NPHS1: variants seen among roughly 807,000 people sequenced by gnomAD.
The protein encoded by NPHS1 is NPHS1 adhesion molecule, nephrin.
NPHS1 carries 107 observed loss-of-function variants against 139.7 expected under a neutral mutation model. The ratio of observed to expected loss-of-function variants is 0.77; its 90% CI spans 0.66 to 0.90. The LOEUF is 0.90. Among genes scored for constraint, NPHS1 ranks in the 40% least tolerant of loss-of-function variants. The pLI, the probability that NPHS1 is intolerant of heterozygous loss-of-function variation, is 0.00. For synonymous variants in NPHS1, 707 were observed against 706.6 expected, an observed-to-expected ratio of 1.00 and a Z score of -0.01; for missense variants, 1,580 against 1,654.2, an observed-to-expected ratio of 0.96 and a Z score of 0.78.
In NPHS1 at chr19:35,842,399, A is replaced by C. The variant is rs1156938073; in HGVS notation, c.2486T>G (p.Leu829Arg). 1 of 1,613,984 alleles carries C rather than the reference A, an allele frequency of 6.2e-7. No homozygotes were observed. Among genetic ancestry groups the C allele is most frequent in the African/African-American group, 1.3e-5 (1 of 74,918 alleles). ...DNGVAPPARR[L>R]LRLVVRFAPQ... Reference sequence around the variant, plus strand: ...CCCACATCTGACAACAAGACGGAGCAGCCGTCGTGCTGGAGGCGCCACCCC... The same window carrying C: ...CCCACATCTGACAACAAGACGGAGCCGCCGTCGTGCTGGAGGCGCCACCCC... Residue 829 changes from leucine to arginine, a missense_variant, in exon 18 of 29, where the codon CTG becomes CGG. Transcript: ENST00000378910.
chr19:35,845,886 GT>G lies in NPHS1; in HGVS notation c.1628-89del. 4.5e-6 allele frequency: 7 copies of G among 1,550,382 alleles called. No homozygotes were observed. The highest frequency in any genetic ancestry group is 6.1e-6 in the Non-Finnish European group (7 of 1,146,400). On this transcript the variant is annotated intron_variant, in intron 12 of 28. Coordinates refer to ENST00000378910, the MANE Select transcript of NPHS1 (RefSeq NM_004646.4). The surrounding 1 kb of genome is among the most constrained non-coding windows in gnomAD (Gnocchi z 5.5). ...CCGCCTGCACCCCAGGCTCCGCCCA[GT>G]CTCGGGTCCCCCACCCCGCCTCCGC...
intron 9 of NPHS1, 49 bp downstream of exon 9, chr19:35,848,588 C>A (rs750627412): frequency 2.5e-6 from 4 of 1,608,554 alleles, no homozygotes; most frequent in South Asian, 2.2e-5. Flanking sequence ...ACGAGTCATG[C>A]CCTCAGCCCC....
rs778854723 is a variant in NPHS1, at chr19:35,826,644, C to T, written c.3596G>A (p.Gly1199Glu). The change falls in exon 29 of 29, where the codon GGA (glycine) becomes GAA (glutamate). Residue 1199 changes from glycine to glutamate, a missense_variant and splice_region_variant. Coordinates refer to ENST00000378910, the MANE Select transcript of NPHS1 (RefSeq NM_004646.4). ...WGPLYDEVQM[G>E]PWDLHWPEDT... Reference sequence around the variant, plus strand: ...TTCAGGCCAGTGGAGGTCCCAGGGTCCCTGACAGGCAAAAAGTGGAGTTAG... The same window carrying T: ...TTCAGGCCAGTGGAGGTCCCAGGGTTCCTGACAGGCAAAAAGTGGAGTTAG... The T allele has an allele frequency of 6.2e-7, 1 of 1,613,940 alleles. No individual in the cohort carries two copies. Among genetic ancestry groups the T allele is most frequent in the Admixed American group, 1.7e-5 (1 of 59,994 alleles).
chr19:35,850,552 C>T (rs1049236292), intron 4 of NPHS1, 107 bp from the exon 5 acceptor site: 58 of 942,672 alleles, frequency 6.2e-5, no homozygotes, highest in South Asian at 6.0e-4. Context: ...CCTCCCTCCT[C>T]GTTCTAGAGG....
In NPHS1 at chr19:35,845,944, C is replaced by T. The variant is rs1311943968; in HGVS notation, c.1627+64G>A. 6.5e-7 allele frequency: 1 copy of T among 1,533,692 alleles called. No homozygotes were observed. The highest frequency in any genetic ancestry group is 8.8e-7 in the Non-Finnish European group (1 of 1,136,766). On this transcript the variant is annotated intron_variant, in intron 12 of 28. Coordinates refer to ENST00000378910, the MANE Select transcript of NPHS1 (RefSeq NM_004646.4). This position sits in a 1 kb window ranked among gnomAD's most constrained non-coding sequence, Gnocchi z 5.5. ...TCCCCGGGTCCAGGGTTCGCTGGGT[C>T]CCTGCCCCACCTGGCTCTGTCCCTC...
chr19:35,831,138 T>A lies in NPHS1; in HGVS notation c.3396A>T (p.Thr1132=). ...AGCGGTAATACGGCTCTGCCTCTGT[T>A]GTGCTGACCTGTTCCCCACACGCAA... ...ERDTQSSTVS[T]TEAEPYYRSL... Residue 1132 remains threonine (T), a synonymous_variant, in exon 27 of 29, where the codon ACA becomes ACT. Transcript: ENST00000378910. The A allele has an allele frequency of 1.2e-6, 2 of 1,613,904 alleles. No homozygotes were observed. The highest frequency in any genetic ancestry group is 1.7e-6 in the Non-Finnish European group (2 of 1,180,002).
At chr19:35,829,828 C>A (rs912667729) in intron 28 of NPHS1, among the ~76,000 whole-genome samples, 1 of 151,354 alleles carries the variant, frequency 6.6e-6, no homozygotes, top group Non-Finnish European at 1.5e-5. Flanking sequence ...TGTGAGCCAC[C>A]ATGCTCGGCT....
intron 3 of NPHS1, 59 bp downstream of exon 3, chr19:35,851,203 C>T (rs749152779): frequency 1.8e-4 from 290 of 1,613,106 alleles, no homozygotes; most frequent in Non-Finnish European, 2.2e-4. Flanking sequence ...TTCCGGGTTG[C>T]GGGGTAGGGG....
rs960654829 is a variant in NPHS1 at position 35,825,700 on chromosome 19, C to T, written c.*814G>A. Among the ~76,000 whole-genome samples, 2 of 152,094 alleles carry T rather than the reference C, an allele frequency of 1.3e-5. No homozygotes were observed. Among genetic ancestry groups the T allele is most frequent in the South Asian group, 2.1e-4 (1 of 4,826 alleles). On this transcript the variant is annotated 3_prime_UTR_variant, in exon 29 of 29. Transcript: ENST00000378910. ...TTTTGATTGTCTGTTTATTTTAATG[C>T]TTATGGAGCATACTTATGTTTACAT...
intron 28 of NPHS1, among the ~76,000 whole-genome samples, chr19:35,829,169 C>A (rs1161263089): frequency 6.6e-6 from 1 of 152,236 alleles, no homozygotes; most frequent in African/African-American, 2.4e-5. Context: ...CTGGCCCCTA[C>A]TCCCTGATCC....
intron 22 of NPHS1, among the ~76,000 whole-genome samples, chr19:35,837,463 T>C (rs1240223626): frequency 3.9e-5 from 6 of 152,228 alleles, no homozygotes; most frequent in African/African-American, 7.2e-5. Context: ...CAGCTTCTGG[T>C]TTCATTGATT....
At chr19:35,835,956 T>C (rs1270670745) in intron 22 of NPHS1, among the ~76,000 whole-genome samples, 195 bp from the exon 23 acceptor site, 1 of 147,268 alleles carries the variant, frequency 6.8e-6, no homozygotes, top group Non-Finnish European at 1.5e-5. Context: ...GTAACGCTAA[T>C]GCTAAGAATA....
chr19:35,848,930 C>T, intron 8 of NPHS1, 46 bp downstream of exon 8: 1 of 1,611,242 alleles, frequency 6.2e-7, no homozygotes, highest in African/African-American at 1.3e-5. Context: ...ACAGATGGTT[C>T]TCTGAGGCAC....
chr19:35,845,523 G>A lies in NPHS1; in HGVS notation c.1775C>T (p.Ala592Val). 2 of 1,605,812 alleles carry A rather than the reference G, an allele frequency of 1.2e-6. No individual in the cohort carries two copies. The highest frequency in any genetic ancestry group is 1.7e-6 in the Non-Finnish European group (2 of 1,177,106). The change falls in exon 14 of 29, where the codon GCC becomes GTC. Residue 592 changes from alanine (A) to valine (V), a missense_variant. By Grantham distance (64) the Ala-to-Val change is moderately conservative (BLOSUM62 0). Transcript: ENST00000378910. This position sits in a 1 kb window ranked among gnomAD's most constrained non-coding sequence, Gnocchi z 5.5. ...KEGERLEGVAAPPRRAPFKGS... is the reference protein window; with the variant it reads ...KEGERLEGVAVPPRRAPFKGS... ...TTTGAATGGGGCTCTCCGGGGTGGG[G>A]CGGCCACGCCCTCCAGCCTGTGGAA...
intron 17 of NPHS1, among the ~76,000 whole-genome samples, chr19:35,842,953 T>C (rs1973082822): frequency 6.6e-6 from 1 of 152,146 alleles, no homozygotes; most frequent in African/African-American, 2.4e-5. Context: ...AACTATTCAC[T>C]CACGCTTGCA....
Position 35,843,501 on chromosome 19 carries a change from G to A in NPHS1, c.2305C>T (p.Leu769Phe), listed in dbSNP as rs747892169. ...CTCTCCCAGTTGAACATGCCCGGGA[G>A]GATGGGATTGGCATCGACAGTGCAG... ...IVCTVDANPI[L>F]PGMFNWERLG... Residue 769 changes from leucine to phenylalanine, a missense_variant, in exon 17 of 29, where the codon CTC becomes TTC. Transcript: ENST00000378910. 7 of 1,614,152 alleles carry A rather than the reference G, an allele frequency of 4.3e-6. No individual in the cohort carries two copies. The South Asian group carries it at 4.4e-5, about 10-fold the overall frequency.
chr19:35,847,601 C>G (rs1973163425), intron 11 of NPHS1, among the ~76,000 whole-genome samples: 1 of 151,342 alleles, frequency 6.6e-6, no homozygotes, highest in South Asian at 2.1e-4. Flanking sequence ...GGTGATCCGT[C>G]TACCTCGGCC....
In NPHS1 at chr19:35,826,506, G is replaced by C. The variant is rs534460381; in HGVS notation, c.*8C>G. 67 of 1,613,462 alleles carry C rather than the reference G, an allele frequency of 4.2e-5. No homozygotes were observed. The South Asian group carries it at 7.1e-4, about 17-fold the overall frequency. ...TGCAGGTGCAGGACAATGGGGTTGA[G>C]AGGGCTCTTACACCAGATGTCCCCT... On this transcript the variant is annotated 3_prime_UTR_variant, in exon 29 of 29. Transcript: ENST00000378910.
intron 24 of NPHS1, 46 bp from the exon 25 acceptor site, chr19:35,831,546 C>T: frequency 6.2e-7 from 1 of 1,613,504 alleles, no homozygotes. Context: ...ATGCAAGCCC[C>T]CCACCCCGGC....
Sources: gnomAD v4.1 joint callset for allele counts (sites outside exome capture counted in the v4.1 genomes callset) on GRCh38, gnomAD v4.1.1 for gene constraint, Gnocchi (gnomAD v3.1) non-coding constraint, MANE v1.5 for transcripts, NCBI Gene and HGNC (gene_info 2026-07-23, HGNC 2026-07-21) for gene names.